GOLIM4: variants seen among roughly 807,000 people sequenced by gnomAD.
GOLIM4 encodes the protein golgi integral membrane protein 4, also known as 130 kDa golgi-localized phosphoprotein.
A neutral mutation model predicts 107.4 loss-of-function variants in GOLIM4; 71 were observed. The observed-to-expected ratio is 0.66, with a 90% CI of 0.55 to 0.81. GOLIM4 has a LOEUF of 0.81. GOLIM4 is among the 30% of genes least tolerant of loss of function. The pLI is 0.00. For missense variants in GOLIM4, 830 were observed against 826.1 expected, an observed-to-expected ratio of 1.00 and a Z score of -0.06; for synonymous variants, 327 against 294.8, an observed-to-expected ratio of 1.11 and a Z score of -1.12.
At chr3:168,013,050 A>C (rs930234317) in intron 14 of GOLIM4, among the ~76,000 whole-genome samples, 5 of 150,086 alleles carry the variant, frequency 3.3e-5, no homozygotes, top group Non-Finnish European at 4.4e-5. Flanking sequence ...TATTAACTTT[A>C]AATGTAAATG....
Position 168,027,829 on chromosome 3 carries a change from T to C in GOLIM4, c.1522A>G (p.Arg508Gly), listed in dbSNP as rs371687959. Residue 508 changes from arginine (R) to glycine (G), a missense_variant, in exon 12 of 16, where the codon AGA becomes GGA. Physicochemically the swap from Arg to Gly is moderately radical, Grantham distance 125. Transcript: ENST00000470487. ...GIQGEEGAYE[R>G]DNQHQDEAEG... ...GCTTCATCTTGGTGCTGGTTGTCTCTTTCATAGGCTAGCAAATCAAAGGAA... is the reference window on the plus strand; with the variant it reads ...GCTTCATCTTGGTGCTGGTTGTCTCCTTCATAGGCTAGCAAATCAAAGGAA... 19 of 1,600,976 alleles carry C rather than the reference T, an allele frequency of 1.2e-5. No individual in the cohort carries two copies. In the African/African-American group the frequency reaches 1.7e-4, roughly 15 times the overall value.
At chr3:168,020,484 G>A (rs746491057) in intron 14 of GOLIM4, among the ~76,000 whole-genome samples, 1 of 152,120 alleles carries the variant, frequency 6.6e-6, no homozygotes, top group Admixed American at 6.5e-5. Context: ...CAAGGGTAAG[G>A]GTCTGGTCCA....
chr3:168,062,894 A>G (rs987887475), intron 1 of GOLIM4, among the ~76,000 whole-genome samples: 5 of 152,152 alleles, frequency 3.3e-5, no homozygotes, highest in African/African-American at 1.2e-4. Flanking sequence ...TAAAATGTGG[A>G]TCCAGCTCCA....
intron 1 of GOLIM4, among the ~76,000 whole-genome samples, chr3:168,063,915 G>C (rs924464785): frequency 3.3e-5 from 5 of 152,134 alleles, no homozygotes; most frequent in African/African-American, 1.2e-4. Context: ...AGTATTTATG[G>C]GACTGTGGGT....
chr3:168,080,531 A>T (rs1044489015), intron 1 of GOLIM4, among the ~76,000 whole-genome samples: 2 of 152,222 alleles, frequency 1.3e-5, no homozygotes, highest in African/African-American at 4.8e-5. Flanking sequence ...GCAGTCGCCA[A>T]GTCATTCCAT....
intron 1 of GOLIM4, among the ~76,000 whole-genome samples, chr3:168,051,983 A>G (rs1466719868): frequency 1.3e-5 from 2 of 152,152 alleles, no homozygotes; most frequent in Non-Finnish European, 2.9e-5. Flanking sequence ...AAAAATCTAG[A>G]AAGAAGAGGA....
chr3:168,030,132 G>A, intron 9 of GOLIM4, 96 bp from the exon 10 acceptor site: 1 of 1,223,676 alleles, frequency 8.2e-7, no homozygotes. Flanking sequence ...AGGCAGAGCT[G>A]GTTTATTAAC....
chr3:168,050,248 C>T (rs762631127), intron 1 of GOLIM4, among the ~76,000 whole-genome samples: 1 of 148,116 alleles, frequency 6.8e-6, no homozygotes, highest in Non-Finnish European at 1.5e-5. Context: ...AAGTTTGGTT[C>T]CAAGTCCACT....
In GOLIM4 at chr3:168,095,295, T is replaced by A; in HGVS notation, c.-10A>T. ...ACATCCCGTTTCCCATAGTCCCGCC[T>A]GGACCCAAAGCCGCGGCCGCCCCCG... On this transcript the variant is annotated 5_prime_UTR_variant, in exon 1 of 16. Transcript: ENST00000470487. 3.7e-6 allele frequency: 6 copies of A among 1,610,300 alleles called. No individual in the cohort carries two copies. Among genetic ancestry groups the A allele is most frequent in the Non-Finnish European group, 4.2e-6 (5 of 1,179,022 alleles).
intron 1 of GOLIM4, among the ~76,000 whole-genome samples, chr3:168,072,065 A>G (rs1167585592): frequency 6.6e-6 from 1 of 152,158 alleles, no homozygotes; most frequent in Non-Finnish European, 1.5e-5. Context: ...AAATTCTGGT[A>G]CCACTCTGTG....
chr3:168,013,360 C>A, intron 14 of GOLIM4, among the ~76,000 whole-genome samples: 1 of 151,960 alleles, frequency 6.6e-6, no homozygotes, highest in East Asian at 1.9e-4. Flanking sequence ...TATATATGCA[C>A]CCAATACAGG....
intron 14 of GOLIM4, among the ~76,000 whole-genome samples, chr3:168,014,884 G>C (rs1431735390): frequency 6.6e-6 from 1 of 150,456 alleles, no homozygotes; most frequent in Admixed American, 6.6e-5. Context: ...TTGATGGGAC[G>C]TATTTCAAAA....
At chr3:168,043,797 T>C (rs1349059591) in intron 4 of GOLIM4, among the ~76,000 whole-genome samples, 2 of 152,298 alleles carry the variant, frequency 1.3e-5, no homozygotes, top group East Asian at 3.9e-4. Flanking sequence ...GGAAAAAATG[T>C]GGGAAAATTC....
At chr3:168,072,118 C>A (rs1157268205) in intron 1 of GOLIM4, among the ~76,000 whole-genome samples, 2 of 152,160 alleles carry the variant, frequency 1.3e-5, no homozygotes, top group Non-Finnish European at 2.9e-5. Flanking sequence ...CACTGATGAT[C>A]TGAGGAAACA....
At chr3:168,010,660 T>TC in intron 15 of GOLIM4, 83 bp downstream of exon 15, 8 of 1,046,060 alleles carry the variant, frequency 7.6e-6, no homozygotes, top group Non-Finnish European at 1.2e-5. Flanking sequence ...CTGGTACGTA[T>TC]CCCAAATACA....
intron 1 of GOLIM4, among the ~76,000 whole-genome samples, chr3:168,063,560 T>A (rs1274003422): frequency 6.6e-6 from 1 of 152,148 alleles, no homozygotes; most frequent in Non-Finnish European, 1.5e-5. Flanking sequence ...ACTGAGATAT[T>A]GGGCATTGCC....
intron 1 of GOLIM4, among the ~76,000 whole-genome samples, chr3:168,062,811 G>C (rs1160614321): frequency 2.6e-5 from 4 of 152,222 alleles, no homozygotes; most frequent in Non-Finnish European, 5.9e-5. Context: ...CAAAATGCCT[G>C]AGAGATTGAT....
rs963494211 is a variant in GOLIM4 at position 168,024,943 on chromosome 3, C to A, written c.1776G>T (p.Val592=). The A allele has an allele frequency of 3.7e-6, 6 of 1,613,800 alleles. No individual in the cohort carries two copies. Among genetic ancestry groups the A allele is most frequent in the Non-Finnish European group, 5.1e-6 (6 of 1,179,884 alleles). Residue 592 remains valine, a synonymous_variant, in exon 13 of 16, where the codon GTG becomes GTT. Transcript: ENST00000470487. ...ATCTGCTTACCACCAAATGTTCCTC[C>A]ACTTCTGTATTCTCTTGCTTTTGAT... ...QSNQKQENTE[V]EEHLVMAGNP...
At chr3:168,025,900 A>G (rs1473795645) in intron 12 of GOLIM4, among the ~76,000 whole-genome samples, 1 of 152,208 alleles carries the variant, frequency 6.6e-6, no homozygotes, top group East Asian at 1.9e-4. Context: ...TACACATCCT[A>G]ATAAAGATTT....
Sources: allele counts gnomAD v4.1 joint callset (sites outside exome capture counted in the v4.1 genomes callset), GRCh38; gene constraint gnomAD v4.1.1; transcripts MANE v1.5; gene names NCBI Gene and HGNC (gene_info 2026-07-23, HGNC 2026-07-21).